The following TRAPPC9 variants were observed in gnomAD, a reference collection of about 807,000 sequenced individuals.
TRAPPC9 encodes the protein trafficking protein particle complex subunit 9.
Under a neutral mutation model 124.0 loss-of-function variants are expected in TRAPPC9, and 83 were observed. The ratio of observed to expected loss-of-function variants is 0.67; its 90% CI spans 0.56 to 0.80. The LOEUF (loss-of-function observed/expected upper bound fraction) is 0.80, where lower values mean the gene tolerates loss of function less well. TRAPPC9 is among the 30% of genes least tolerant of loss of function. TRAPPC9 has a pLI of 0.00. For missense variants in TRAPPC9, 1,302 were observed against 1,508.3 expected (o/e 0.86, Z 2.27); for synonymous variants, 638 against 617.5 (o/e 1.03, Z -0.49).
At chr8:140,054,758 T>C (rs1463376652) in intron 17 of TRAPPC9, among the ~76,000 whole-genome samples, 1 of 151,926 alleles carries the variant, frequency 6.6e-6, no homozygotes, top group Admixed American at 6.6e-5. Flanking sequence ...AGAAGATGAC[T>C]ATGAACCATT....
intron 17 of TRAPPC9, among the ~76,000 whole-genome samples, chr8:140,156,008 C>G (rs2061622614): frequency 1.3e-5 from 2 of 152,220 alleles, no homozygotes; most frequent in South Asian, 4.1e-4. Flanking sequence ...AACTGGGGGG[C>G]CCGAGCTCCC....
intron 21 of TRAPPC9, among the ~76,000 whole-genome samples, chr8:139,801,611 G>C (rs1401749396): frequency 6.6e-6 from 1 of 152,202 alleles, no homozygotes; most frequent in Non-Finnish European, 1.5e-5. Context: ...TGCGAAAGTG[G>C]GGGGTGGGGT....
intron 16 of TRAPPC9, among the ~76,000 whole-genome samples, chr8:140,229,431 T>G (rs535269350): frequency 4.0e-5 from 6 of 151,842 alleles, no homozygotes; most frequent in African/African-American, 1.4e-4. Context: ...CTGGCTAATT[T>G]TTTTTCGTAT....
chr8:140,068,003 A>T (rs1371199355), intron 17 of TRAPPC9, among the ~76,000 whole-genome samples: 1 of 100,854 alleles, frequency 9.9e-6, no homozygotes, highest in Non-Finnish European at 1.9e-5. Context: ...AAACAAGCGG[A>T]TTTATGTGTC....
intron 9 of TRAPPC9, among the ~76,000 whole-genome samples, chr8:140,359,312 G>C (rs1323669528): frequency 1.3e-5 from 2 of 152,112 alleles, no homozygotes; most frequent in Non-Finnish European, 2.9e-5. Flanking sequence ...ACCACACACT[G>C]GGCCAGGGCC....
rs563433890 is a variant in TRAPPC9, at chr8:139,894,331, C to T, written c.2965-8362G>A. ...GGAGAGAGCCAATGCCAACCCCCAACGAGACCACTGGTCACCGCGCACGAC... is the reference window on the plus strand; with the variant it reads ...GGAGAGAGCCAATGCCAACCCCCAATGAGACCACTGGTCACCGCGCACGAC... On this transcript the variant is annotated intron_variant, in intron 20 of 22. Coordinates refer to ENST00000438773, the MANE Select transcript of TRAPPC9 (RefSeq NM_001160372.4). Among the ~76,000 whole-genome samples, 39 of 152,320 alleles carry T rather than the reference C, an allele frequency of 2.6e-4. No individual in the cohort carries two copies. In the South Asian group the frequency reaches 5.0e-3, roughly 19 times the overall value.
At position 140,221,487 on chromosome 8, in the gene TRAPPC9, T is replaced by C. The variant is rs1272359546; in HGVS notation, c.2528A>G (p.Asn843Ser). Residue 843 changes from asparagine to serine, a missense_variant, in exon 17 of 23, where the codon AAC becomes AGC. By Grantham distance (46) the Asn-to-Ser change is conservative. Around this residue, in one of 3 missense-constraint regions of TRAPPC9, gnomAD observed 640 missense variants for 679.3 expected, o/e 0.94. Transcript: ENST00000438773. Reference sequence around the variant, plus strand: ...CACGTGGCTGTAGTCGCCTGCTTTGTTGCTCTCGGGTGGGTTCACAGGTTT... The same window carrying C: ...CACGTGGCTGTAGTCGCCTGCTTTGCTGCTCTCGGGTGGGTTCACAGGTTT... The part of the protein sequence containing the change: ...EGKPVNPPES[N>S]KAGDYSHVKT... The C allele has an allele frequency of 1.2e-6, 2 of 1,614,032 alleles. No individual in the cohort carries two copies. Among genetic ancestry groups the C allele is most frequent in the Non-Finnish European group, 1.7e-6 (2 of 1,180,012 alleles).
intron 17 of TRAPPC9, among the ~76,000 whole-genome samples, chr8:140,175,250 G>GC (rs1460387900): frequency 6.6e-6 from 1 of 151,788 alleles, no homozygotes; most frequent in Non-Finnish European, 1.5e-5. Context: ...TCCAATAGTT[G>GC]CCCCAAATAA....
chr8:140,255,262 C>T (rs947266716), intron 15 of TRAPPC9, among the ~76,000 whole-genome samples: 1 of 152,380 alleles, frequency 6.6e-6, no homozygotes, highest in East Asian at 1.9e-4. Context: ...ATGTGCCAGA[C>T]ACTCCACGTG....
rs576027554 is a variant in TRAPPC9 at position 140,353,557 on chromosome 8, G to T, written c.1495+6493C>A. The stretch of plus-strand genomic sequence containing the variant: ...TTTTAAGCTACGTGATGTGAAAGCC[G>T]CGAGTCTTTTTTATTTTCCACAGGA... On this transcript the variant is annotated intron_variant, in intron 9 of 22. Coordinates refer to ENST00000438773, the MANE Select transcript of TRAPPC9 (RefSeq NM_001160372.4). This position sits in a 1 kb window ranked among gnomAD's most constrained non-coding sequence, Gnocchi z 4.2. Among the ~76,000 whole-genome samples the T allele has an allele frequency of 3.9e-4, 60 of 152,238 alleles. No homozygotes were observed. Among genetic ancestry groups the T allele is most frequent in the African/African-American group, 1.4e-3 (57 of 41,532 alleles).
intron 17 of TRAPPC9, among the ~76,000 whole-genome samples, chr8:140,062,854 T>G (rs908114772): frequency 1.3e-5 from 2 of 152,154 alleles, no homozygotes; most frequent in African/African-American, 4.8e-5. Context: ...ACCCCGACTA[T>G]CACACACTAC....
intron 17 of TRAPPC9, among the ~76,000 whole-genome samples, chr8:140,072,305 G>C (rs868403998): frequency 6.6e-6 from 1 of 152,120 alleles, no homozygotes; most frequent in African/African-American, 2.4e-5. Context: ...AGGCTAAGGC[G>C]GGCAGCTCAC....
rs1368383733 is a variant in TRAPPC9 at position 139,989,864 on chromosome 8, A to G, written c.2700-1028T>C. On this transcript the variant is annotated intron_variant, in intron 18 of 22. Transcript: ENST00000438773. Reference sequence around the variant, plus strand: ...AGTTGAATGCTTGCCGAAAACTCATACGGTATCTCAGACACCAAGTATCAC... The same window carrying G: ...AGTTGAATGCTTGCCGAAAACTCATGCGGTATCTCAGACACCAAGTATCAC... Among the ~76,000 whole-genome samples the G allele has an allele frequency of 2.0e-5, 3 of 152,140 alleles. No homozygotes were observed. The East Asian group carries it at 5.8e-4, about 29-fold the overall frequency.
At chr8:140,418,221 A>C (rs1184742984) in intron 5 of TRAPPC9, among the ~76,000 whole-genome samples, 1 of 152,212 alleles carries the variant, frequency 6.6e-6, no homozygotes, top group African/African-American at 2.4e-5. Context: ...AAAAAATAAA[A>C]ATAAAGAAAG....
chr8:139,944,512 A>G (rs1834094440), intron 19 of TRAPPC9, among the ~76,000 whole-genome samples: 1 of 152,228 alleles, frequency 6.6e-6, no homozygotes, highest in Non-Finnish European at 1.5e-5. Flanking sequence ...ACACAATAAT[A>G]ACTTTAAATA....
intron 9 of TRAPPC9, among the ~76,000 whole-genome samples, chr8:140,335,648 G>T (rs1318572342): frequency 6.7e-6 from 1 of 149,974 alleles, no homozygotes; most frequent in African/African-American, 2.5e-5. Context: ...GCAAATTTTT[G>T]TTATATTTTG....
intron 17 of TRAPPC9, among the ~76,000 whole-genome samples, chr8:140,090,958 G>A (rs944015308): frequency 3.9e-5 from 6 of 152,324 alleles, no homozygotes; most frequent in African/African-American, 1.4e-4. Flanking sequence ...AGACTCGAGC[G>A]CTCCCAGTGC....
rs574451022 is a variant in TRAPPC9 at position 140,033,720 on chromosome 8, C to T, written c.2557-9641G>A. On this transcript the variant is annotated intron_variant, in intron 17 of 22. Transcript: ENST00000438773. ...TTTTTGAGACAGAGTCTCGCTCTGT[C>T]GCCCAGGCTGGAGTGCAGGGGCGTG... 5.4e-5 allele frequency among the ~76,000 whole-genome samples: 6 copies of T among 110,296 alleles called. No homozygotes were observed. In the South Asian group the frequency reaches 9.8e-4, roughly 18 times the overall value. 72.4% of individuals were successfully genotyped at this position (110,296 alleles called of 152,430 possible).
At chr8:140,296,503 C>T (rs894277012) in intron 11 of TRAPPC9, among the ~76,000 whole-genome samples, 1 of 152,164 alleles carries the variant, frequency 6.6e-6, no homozygotes, top group African/African-American at 2.4e-5. Context: ...TGGGCTCAAG[C>T]AATCCACCAG....
Sources: gnomAD v4.1 joint callset for allele counts (sites outside exome capture counted in the v4.1 genomes callset) on GRCh38, gnomAD v4.1.1 for gene constraint, gnomAD v4.1.1 regional missense constraint, Gnocchi (gnomAD v3.1) non-coding constraint, MANE v1.5 for transcripts, NCBI Gene and HGNC (gene_info 2026-07-23, HGNC 2026-07-21) for gene names.